Variants in SCN10A observed in about 807,000 individuals in gnomAD.
SCN10A encodes the protein sodium voltage-gated channel alpha subunit 10.
A neutral mutation model predicts 170.7 loss-of-function variants in SCN10A; 162 were observed. The observed-to-expected ratio is 0.95, with a 90% CI of 0.84 to 1.08. SCN10A has a LOEUF of 1.08. Among genes scored for constraint, SCN10A ranks in the 50% least tolerant of loss-of-function variants. The probability of loss-of-function intolerance (pLI) is 0.00; values close to 1 mark genes in which losing one functional copy is unlikely to be tolerated. For synonymous variants in SCN10A, 985 were observed against 904.6 expected (o/e 1.09, Z -1.59); for missense variants, 2,527 against 2,436.9 (o/e 1.04, Z -0.78).
chr3:38,757,461 C>T (rs984014469), intron 8 of SCN10A, among the ~76,000 whole-genome samples: 1 of 152,206 alleles, frequency 6.6e-6, no homozygotes, highest in East Asian at 1.9e-4. Flanking sequence ...AAATGAGAGT[C>T]AGTAGCAATA....
intron 1 of SCN10A, among the ~76,000 whole-genome samples, chr3:38,806,321 C>A (rs893220067): frequency 6.6e-6 from 1 of 152,110 alleles, no homozygotes; most frequent in African/African-American, 2.4e-5. Context: ...TCTTCCAACC[C>A]ATTGAGAATG....
chr3:38,798,252 G>T (rs1360891083), intron 1 of SCN10A, among the ~76,000 whole-genome samples: 1 of 152,116 alleles, frequency 6.6e-6, no homozygotes, highest in Non-Finnish European at 1.5e-5. Flanking sequence ...AGGATACTAG[G>T]GTTTTATCTA....
chr3:38,772,322 G>GAAAAAAAAA (rs147803028), intron 4 of SCN10A, among the ~76,000 whole-genome samples: 1 of 133,872 alleles, frequency 7.5e-6, no homozygotes, highest in African/African-American at 2.8e-5. Context: ...CCAAACAACT[G>GAAAAAAAAA]AAAAAAAAAA....
intron 15 of SCN10A, among the ~76,000 whole-genome samples, chr3:38,732,087 T>C (rs779008588): frequency 2.6e-5 from 4 of 152,104 alleles, no homozygotes; most frequent in Non-Finnish European, 4.4e-5. Flanking sequence ...AGCATGAGAG[T>C]GAATCTAAAT....
intron 13 of SCN10A, among the ~76,000 whole-genome samples, chr3:38,746,063 G>GTGTATATATATATGTGTGTATATATA (rs1293476818): frequency 1.6e-5 from 1 of 61,626 alleles, no homozygotes; most frequent in African/African-American, 4.8e-5. Flanking sequence ...GTGTGTATGT[G>GTGTATATATATATGTGTGTATATATA]TATATATATA....
intron 1 of SCN10A, among the ~76,000 whole-genome samples, chr3:38,796,725 A>G (rs2064343557): frequency 6.6e-6 from 1 of 152,104 alleles, no homozygotes; most frequent in Non-Finnish European, 1.5e-5. Context: ...TGGCTTTGAG[A>G]CAATTTCTTC....
chr3:38,709,350 G>C, intron 25 of SCN10A, 128 bp downstream of exon 25: 2 of 929,538 alleles, frequency 2.2e-6, no homozygotes, highest in South Asian at 3.9e-5. Flanking sequence ...GCAAGGGTTA[G>C]CACTGATATT....
At chr3:38,700,624 A>C (rs1200701943) in intron 27 of SCN10A, among the ~76,000 whole-genome samples, 5 of 152,184 alleles carry the variant, frequency 3.3e-5, no homozygotes, top group Admixed American at 6.5e-5. Context: ...GTGTTAAAAA[A>C]CAGAGCAGCA....
Position 38,742,368 on chromosome 3 carries a change from C to T in SCN10A, c.2029G>A (p.Val677Met). 1 of 1,614,174 alleles carries T rather than the reference C, an allele frequency of 6.2e-7. No homozygotes were observed. The highest frequency in any genetic ancestry group is 8.5e-7 in the Non-Finnish European group (1 of 1,180,032). Residue 677 changes from valine (V) to methionine (M), a missense_variant, in exon 14 of 28, where the codon GTG becomes ATG. Physicochemically the swap from Val to Met is conservative, Grantham distance 21. Coordinates refer to ENST00000449082, the MANE Select transcript of SCN10A (RefSeq NM_006514.4). ...AELTITLCIV[V>M]NTIFMAMEHH... is the part of the protein sequence containing the mutation. ...TCCATGGCCATGAAGATGGTGTTCA[C>T]CACGATGCACAAGGTGATGGTGAGC... is the stretch of plus-strand genomic sequence containing the variant.
At chr3:38,796,957 A>G (rs1321942066) in intron 1 of SCN10A, among the ~76,000 whole-genome samples, 1 of 152,170 alleles carries the variant, frequency 6.6e-6, no homozygotes, top group African/African-American at 2.4e-5. Flanking sequence ...CAGAATAGAT[A>G]GTTGTTGCAT....
At chr3:38,722,771 C>A (rs546066782) in intron 19 of SCN10A, among the ~76,000 whole-genome samples, 2 of 152,324 alleles carry the variant, frequency 1.3e-5, no homozygotes, top group East Asian at 3.9e-4. Flanking sequence ...CCAAGCTGAA[C>A]TGAGGGCCAC....
At chr3:38,761,070 G>A (rs2063864275) in intron 7 of SCN10A, 122 bp downstream of exon 7, 4 of 771,396 alleles carry the variant, frequency 5.2e-6, no homozygotes, top group Admixed American at 2.6e-5. Flanking sequence ...GAACCATTTT[G>A]GCAGGAAAGG....
In SCN10A at chr3:38,738,920, G is replaced by T. The variant is rs145034515; in HGVS notation, c.2280+595C>A. Reference sequence around the variant, plus strand: ...TAATAGGCAGGTTGAAGGTGCTTGAGACATTGGGGCTGTGATTTCGGGCAC... The same window carrying T: ...TAATAGGCAGGTTGAAGGTGCTTGATACATTGGGGCTGTGATTTCGGGCAC... On this transcript the variant is annotated intron_variant, in intron 15 of 27. Transcript: ENST00000449082. Among the ~76,000 whole-genome samples, 640 of 152,312 alleles carry T rather than the reference G, an allele frequency of 4.2e-3. 2 individuals are homozygous for T. Among genetic ancestry groups the T allele is most frequent in the African/African-American group, 0.015 (604 of 41,568 alleles).
chr3:38,774,615 C>T (rs1460667947), intron 4 of SCN10A, among the ~76,000 whole-genome samples: 7 of 152,092 alleles, frequency 4.6e-5, no homozygotes, highest in South Asian at 2.1e-4. Context: ...TTACAAATCC[C>T]GATATTCAGG....
intron 5 of SCN10A, among the ~76,000 whole-genome samples, chr3:38,770,950 T>A (rs778018364): frequency 3.3e-5 from 5 of 152,140 alleles, no homozygotes; most frequent in Non-Finnish European, 7.4e-5. Flanking sequence ...ACATTCCAGG[T>A]AAGGGTAAAT....
intron 14 of SCN10A, among the ~76,000 whole-genome samples, chr3:38,741,449 CT>C (rs992357844): frequency 1.3e-5 from 2 of 152,154 alleles, no homozygotes; most frequent in Non-Finnish European, 2.9e-5. Context: ...ATTATTTAAC[CT>C]TTTGCATCTC....
intron 23 of SCN10A, among the ~76,000 whole-genome samples, chr3:38,711,276 T>C (rs976174402): frequency 1.3e-5 from 2 of 152,220 alleles, no homozygotes; most frequent in Admixed American, 1.3e-4. Flanking sequence ...ATGCACATGA[T>C]GTAAGAATGG....
intron 25 of SCN10A, 66 bp from the exon 26 acceptor site, chr3:38,707,449 G>C: frequency 1.2e-5 from 18 of 1,523,780 alleles, no homozygotes; most frequent in Non-Finnish European, 1.6e-5. Context: ...AATCAGAACA[G>C]GCAGGAGAGA....
intron 1 of SCN10A, among the ~76,000 whole-genome samples, chr3:38,808,594 T>C (rs2064420512): frequency 6.6e-6 from 1 of 152,202 alleles, no homozygotes; most frequent in South Asian, 2.1e-4. Context: ...TGAATGATGA[T>C]GGCTTTCTCA....
Sources: gnomAD v4.1 joint callset for allele counts (sites outside exome capture counted in the v4.1 genomes callset) on GRCh38, gnomAD v4.1.1 for gene constraint, MANE v1.5 for transcripts, NCBI Gene and HGNC (gene_info 2026-07-23, HGNC 2026-07-21) for gene names.